SCAPER: variants seen among roughly 807,000 people sequenced by gnomAD.
SCAPER encodes S phase cyclin A-associated protein in the endoplasmic reticulum.
SCAPER carries 98 observed loss-of-function variants against 182.2 expected under a neutral mutation model. The ratio of observed to expected loss-of-function variants is 0.54; its 90% CI spans 0.46 to 0.64. The LOEUF (loss-of-function observed/expected upper bound fraction) is 0.64, where lower values mean the gene tolerates loss of function less well. SCAPER is among the 30% of genes least tolerant of loss of function. The probability of loss-of-function intolerance (pLI) is 0.00; values close to 1 mark genes in which losing one functional copy is unlikely to be tolerated. For missense variants in SCAPER, 1,432 were observed against 1,690.0 expected, an observed-to-expected ratio of 0.85 and a Z score of 2.68; for synonymous variants, 605 against 564.6, an observed-to-expected ratio of 1.07 and a Z score of -1.01.
chr15:76,549,106 C>A (rs935507992), intron 23 of SCAPER, among the ~76,000 whole-genome samples: 3 of 152,076 alleles, frequency 2.0e-5, no homozygotes, highest in Non-Finnish European at 4.4e-5. Flanking sequence ...CAAGAAAAAA[C>A]CAAACAACCC....
intron 25 of SCAPER, among the ~76,000 whole-genome samples, chr15:76,466,419 C>CTTTTTTT: frequency 0.091 from 3,377 of 37,010 alleles, 397 homozygotes; most frequent in Middle Eastern, 0.17. Flanking sequence ...GTTGGTTCTT[C>CTTTTTTT]TTTTTTTTTT....
intron 25 of SCAPER, among the ~76,000 whole-genome samples, chr15:76,455,949 A>C (rs1467247747): frequency 6.6e-6 from 1 of 152,102 alleles, no homozygotes; most frequent in Non-Finnish European, 1.5e-5. Context: ...ACTTTGCTGA[A>C]GATGATGGTT....
At position 76,750,976 on chromosome 15, in the gene SCAPER, T is replaced by C. The variant is rs144783373; in HGVS notation, c.1866+2832A>G. On this transcript the variant is annotated intron_variant, in intron 15 of 31. Coordinates refer to ENST00000563290, the MANE Select transcript of SCAPER (RefSeq NM_020843.4). ...TTCACAGATGATATGAACTTATATG[T>C]AGAAAACACTTACAGATTCCACCAA... 3.4e-4 allele frequency among the ~76,000 whole-genome samples: 51 copies of C among 151,836 alleles called. No individual in the cohort carries two copies. In the East Asian group the frequency reaches 9.5e-3, roughly 28 times the overall value.
intron 2 of SCAPER, among the ~76,000 whole-genome samples, chr15:76,866,446 C>A (rs1422251734): frequency 6.6e-6 from 1 of 152,130 alleles, no homozygotes; most frequent in Non-Finnish European, 1.5e-5. Context: ...TTCAGCTCCA[C>A]TATAAATTTT....
At chr15:76,371,101 T>G (rs138013320) in intron 29 of SCAPER, among the ~76,000 whole-genome samples, 5 of 152,310 alleles carry the variant, frequency 3.3e-5, no homozygotes, top group Admixed American at 6.5e-5. Context: ...ATGCTAGCCC[T>G]GATCTTTCAT....
intron 5 of SCAPER, among the ~76,000 whole-genome samples, chr15:76,822,975 G>A (rs1038718971): frequency 6.6e-6 from 1 of 152,116 alleles, no homozygotes; most frequent in Non-Finnish European, 1.5e-5. Context: ...AGATATACCA[G>A]TCTCACCTTA....
chr15:76,616,460 T>C (rs1426901780), intron 22 of SCAPER, among the ~76,000 whole-genome samples: 1 of 152,122 alleles, frequency 6.6e-6, no homozygotes, highest in Non-Finnish European at 1.5e-5. Flanking sequence ...GGTTGCCAAG[T>C]GCTAGGAACA....
chr15:76,818,715 C>G (rs1397079917), intron 5 of SCAPER, among the ~76,000 whole-genome samples: 2 of 152,226 alleles, frequency 1.3e-5, no homozygotes, highest in African/African-American at 4.8e-5. Context: ...AGGTTCATCT[C>G]ACTGGGGAGT....
At chr15:76,884,513 T>C (rs2073740632) in intron 1 of SCAPER, among the ~76,000 whole-genome samples, 1 of 152,064 alleles carries the variant, frequency 6.6e-6, no homozygotes, top group African/African-American at 2.4e-5. Flanking sequence ...GACTGGGAAA[T>C]TGCTTAACAA....
chr15:76,684,004 A>G (rs1194651816), intron 20 of SCAPER, among the ~76,000 whole-genome samples: 2 of 152,190 alleles, frequency 1.3e-5, no homozygotes. Context: ...GACCCTTTTC[A>G]GACAAACAAA....
intron 4 of SCAPER, among the ~76,000 whole-genome samples, chr15:76,852,864 A>G (rs182927390): frequency 6.6e-6 from 1 of 152,300 alleles, no homozygotes; most frequent in Non-Finnish European, 1.5e-5. Context: ...GGAAATCAAG[A>G]CATGAAAAAC....
At chr15:76,373,920 C>G (rs1280774732) in intron 29 of SCAPER, among the ~76,000 whole-genome samples, 5 of 149,966 alleles carry the variant, frequency 3.3e-5, no homozygotes, top group Non-Finnish European at 5.9e-5. Context: ...TCTTTTTTCT[C>G]CTTCTCAGGA....
chr15:76,428,711 T>G (rs2046613048), intron 26 of SCAPER, among the ~76,000 whole-genome samples: 1 of 151,516 alleles, frequency 6.6e-6, no homozygotes, highest in Admixed American at 6.6e-5. Context: ...GAGGAATAAA[T>G]TCTGGTGTTC....
intron 20 of SCAPER, among the ~76,000 whole-genome samples, chr15:76,695,075 G>A (rs2058581196): frequency 6.6e-6 from 1 of 152,052 alleles, no homozygotes. Context: ...AATTAAAACT[G>A]CAAATTAGAA....
In SCAPER at chr15:76,536,385, C is replaced by T. The variant is rs142201043; in HGVS notation, c.2839-31411G>A. Reference sequence around the variant, plus strand: ...ATTGGGAAAAAAACCACTTTTGAATCTCAGCTCTGCCACTTGCGGTGTGAC... The same window carrying T: ...ATTGGGAAAAAAACCACTTTTGAATTTCAGCTCTGCCACTTGCGGTGTGAC... On this transcript the variant is annotated intron_variant, in intron 23 of 31. Coordinates refer to ENST00000563290, the MANE Select transcript of SCAPER (RefSeq NM_020843.4). Among the ~76,000 whole-genome samples the T allele has an allele frequency of 7.6e-4, 115 of 152,246 alleles. 1 individual carries two copies. Among genetic ancestry groups the T allele is most frequent in the Admixed American group, 2.4e-3 (36 of 15,292 alleles).
intron 26 of SCAPER, among the ~76,000 whole-genome samples, chr15:76,414,309 A>G (rs2045502632): frequency 6.6e-6 from 1 of 152,114 alleles, no homozygotes; most frequent in African/African-American, 2.4e-5. Flanking sequence ...AAAGTTTAAG[A>G]AAGTAGATTT....
intron 17 of SCAPER, among the ~76,000 whole-genome samples, chr15:76,722,356 A>G (rs964126107): frequency 9.9e-5 from 15 of 152,152 alleles, no homozygotes; most frequent in African/African-American, 3.1e-4. Context: ...TTTTTGCATC[A>G]ATGTTCATCA....
chr15:76,792,369 G>A (rs1275826800), intron 8 of SCAPER, among the ~76,000 whole-genome samples: 1 of 152,104 alleles, frequency 6.6e-6, no homozygotes, highest in Admixed American at 6.5e-5. Flanking sequence ...AGTCTTGGGA[G>A]ACTGGCAATC....
intron 5 of SCAPER, among the ~76,000 whole-genome samples, chr15:76,826,905 G>C (rs1017716518): frequency 6.6e-6 from 1 of 152,066 alleles, no homozygotes; most frequent in Non-Finnish European, 1.5e-5. Flanking sequence ...AAGATAAAAT[G>C]GCTAGATTAT....
Sources: allele counts gnomAD v4.1 joint callset (sites outside exome capture counted in the v4.1 genomes callset), GRCh38; gene constraint gnomAD v4.1.1; transcripts MANE v1.5; gene names NCBI Gene and HGNC (gene_info 2026-07-23, HGNC 2026-07-21).